The following FBXO38 variants were observed in gnomAD, a reference collection of about 807,000 sequenced individuals.
FBXO38 encodes the protein F-box protein 38, also known as F-box only protein 38.
A neutral mutation model predicts 131.9 loss-of-function variants in FBXO38; 53 were observed. That is an observed-to-expected ratio of 0.40 (90% CI 0.32 to 0.51). The LOEUF (loss-of-function observed/expected upper bound fraction) is 0.51, where lower values mean the gene tolerates loss of function less well. Ranked by LOEUF, FBXO38 falls within the 20% of genes least tolerant of loss-of-function variation. The pLI, the probability that FBXO38 is intolerant of heterozygous loss-of-function variation, is 0.53. For synonymous variants in FBXO38, 452 were observed against 505.6 expected, an observed-to-expected ratio of 0.89 and a Z score of 1.42; for missense variants, 1,076 against 1,475.6, an observed-to-expected ratio of 0.73 and a Z score of 4.44.
At chr5:148,437,105 T>G (rs561177330) in intron 17 of FBXO38, among the ~76,000 whole-genome samples, 1 of 152,344 alleles carries the variant, frequency 6.6e-6, no homozygotes. Context: ...TCTTTTTACT[T>G]TGATGATTTC....
chr5:148,407,642 C>T (rs932910460), intron 7 of FBXO38, among the ~76,000 whole-genome samples: 8 of 151,444 alleles, frequency 5.3e-5, no homozygotes, highest in African/African-American at 7.3e-5. Flanking sequence ...AGTGAAAAAC[C>T]GGCCGGGCGC....
chr5:148,418,650 C>CACT (rs1244002642), intron 12 of FBXO38, among the ~76,000 whole-genome samples: 3 of 152,108 alleles, frequency 2.0e-5, no homozygotes, highest in Non-Finnish European at 4.4e-5. Flanking sequence ...AGGTTACTAC[C>CACT]ACTATAAAGA....
Position 148,402,163 on chromosome 5 carries a change from A to G in FBXO38, c.426+18A>G. ...ACTTAGTGGTGAGTGCACCTGGTTG[A>G]ACATTTTGGCATCAACTGTTTATGA... On this transcript the variant is annotated intron_variant, in intron 4 of 21. Coordinates refer to ENST00000340253, the MANE Select transcript of FBXO38 (RefSeq NM_205836.3). 2 of 1,596,740 alleles carry G rather than the reference A, an allele frequency of 1.3e-6. No homozygotes were observed. The highest frequency in any genetic ancestry group is 1.7e-6 in the Non-Finnish European group (2 of 1,167,788).
chr5:148,418,338 A>G (rs1447506647), intron 12 of FBXO38, among the ~76,000 whole-genome samples: 1 of 152,066 alleles, frequency 6.6e-6, no homozygotes, highest in African/African-American at 2.4e-5. Flanking sequence ...ATCTTTCTCT[A>G]CACATTTTCA....
At chr5:148,426,980 G>A (rs542859086) in intron 14 of FBXO38, among the ~76,000 whole-genome samples, 2 of 152,230 alleles carry the variant, frequency 1.3e-5, no homozygotes, top group East Asian at 3.9e-4. Context: ...AGATGGTTTG[G>A]AATCAGATCA....
At chr5:148,402,172 G>T in intron 4 of FBXO38, 27 bp downstream of exon 4, 7 of 1,589,824 alleles carry the variant, frequency 4.4e-6, no homozygotes, top group South Asian at 1.1e-5. Flanking sequence ...GAACATTTTG[G>T]CATCAACTGT....
At chr5:148,403,096 AT>A (rs1208421619) in intron 5 of FBXO38, among the ~76,000 whole-genome samples, 3 of 152,140 alleles carry the variant, frequency 2.0e-5, no homozygotes, top group Non-Finnish European at 2.9e-5. Flanking sequence ...CATTTATAAG[AT>A]CAGGGAGTGA....
At chr5:148,429,693 G>A (rs1179112049) in intron 15 of FBXO38, among the ~76,000 whole-genome samples, 1 of 152,090 alleles carries the variant, frequency 6.6e-6, no homozygotes. Flanking sequence ...TGTTATGTTT[G>A]TCGTTTTACT....
intron 13 of FBXO38, 37 bp from the exon 14 acceptor site, chr5:148,425,485 G>C (rs377109381): frequency 1.3e-6 from 2 of 1,546,040 alleles, no homozygotes; most frequent in South Asian, 1.1e-5. Flanking sequence ...CCTTTCTTGC[G>C]CAAAAAGTAA....
At chr5:148,396,210 A>G (rs1461013295) in intron 2 of FBXO38, among the ~76,000 whole-genome samples, 2 of 152,174 alleles carry the variant, frequency 1.3e-5, no homozygotes, top group Admixed American at 6.5e-5. Flanking sequence ...ACAAAATGAT[A>G]TTAACGTTCA....
chr5:148,391,449 A>G lies in FBXO38; in HGVS notation c.-63-3265A>G, dbSNP rs531842373. ...GAGTCAGTAGGGGAAGCTTTTACAG[A>G]GGACTTACATTTAAGCTAGATTTTT... On this transcript the variant is annotated intron_variant, in intron 1 of 21. Transcript: ENST00000340253. Among the ~76,000 whole-genome samples, 19 of 152,344 alleles carry G rather than the reference A, an allele frequency of 1.2e-4. No individual in the cohort carries two copies. In the South Asian group the frequency reaches 3.9e-3, roughly 32 times the overall value.
At chr5:148,412,755 T>A (rs751614701) in intron 9 of FBXO38, among the ~76,000 whole-genome samples, 1 of 152,108 alleles carries the variant, frequency 6.6e-6, no homozygotes, top group African/African-American at 2.4e-5. Context: ...GCTTTTCTCT[T>A]GGGTAGCTCT....
chr5:148,419,382 T>C (rs1050690295), intron 12 of FBXO38, among the ~76,000 whole-genome samples: 20 of 152,126 alleles, frequency 1.3e-4, no homozygotes, highest in Non-Finnish European at 2.8e-4. Context: ...TTAGATTTTT[T>C]TTTCCCGCAA....
intron 5 of FBXO38, among the ~76,000 whole-genome samples, chr5:148,403,950 A>G (rs1752301760): frequency 6.6e-6 from 1 of 151,654 alleles, no homozygotes; most frequent in African/African-American, 2.4e-5. Flanking sequence ...TATTTCCTGT[A>G]TTTTTTCACC....
chr5:148,417,198 G>A lies in FBXO38; in HGVS notation c.1612G>A (p.Ala538Thr). The A allele has an allele frequency of 6.2e-7, 1 of 1,607,718 alleles. No individual in the cohort carries two copies. The highest frequency in any genetic ancestry group is 8.5e-7 in the Non-Finnish European group (1 of 1,174,326). Residue 538 changes from alanine to threonine, a missense_variant, in exon 12 of 22, where the codon GCT becomes ACT. This residue lies in a region of FBXO38 where 212 missense variants were observed against 221.2 expected (regional missense o/e 0.96). Coordinates refer to ENST00000340253, the MANE Select transcript of FBXO38 (RefSeq NM_205836.3). ...DLQPGEQQFAADALNEMEDIV... is the reference protein window; with the variant it reads ...DLQPGEQQFATDALNEMEDIV... ...GCAGCCAGGAGAGCAGCAGTTTGCA[G>A]CTGACGGTAACCCAGATCTTTTATG...
chr5:148,422,047 CTT>C (rs35962676), intron 12 of FBXO38, among the ~76,000 whole-genome samples: 46 of 145,120 alleles, frequency 3.2e-4, no homozygotes, highest in Admixed American at 3.4e-4. Flanking sequence ...AGACCTTTCT[CTT>C]TTTTTTTTTT....
intron 1 of FBXO38, among the ~76,000 whole-genome samples, chr5:148,394,053 A>G (rs1014406590): frequency 3.3e-5 from 5 of 152,206 alleles, no homozygotes; most frequent in African/African-American, 1.2e-4. Context: ...CAAAAGTGAA[A>G]TACCATGTCA....
At chr5:148,428,068 G>GTGGGTCATGTGAATTT in intron 15 of FBXO38, 121 bp downstream of exon 15, 1 of 1,117,350 alleles carries the variant, frequency 8.9e-7, no homozygotes, top group Non-Finnish European at 1.2e-6. Context: ...TTGGGGTTTT[G>GTGGGTCATGTGAATTT]TGGGTCATGT....
At position 148,414,227 on chromosome 5, in the gene FBXO38, C is replaced by A. The variant is rs1416039522; in HGVS notation, c.1185C>A (p.Val395=). The A allele has an allele frequency of 6.2e-7, 1 of 1,612,496 alleles. No homozygotes were observed. The highest frequency in any genetic ancestry group is 8.5e-7 in the Non-Finnish European group (1 of 1,179,342). ...TCACTGATATAGGGATGAAAGCAGT[C>A]AATGAAGTTTTTTCCTGTATCAAAT... ...GIITDIGMKA[V]NEVFSCIKYL... The change falls in exon 10 of 22, where the codon GTC becomes GTA. Residue 395 remains valine, a synonymous_variant. Coordinates refer to ENST00000340253, the MANE Select transcript of FBXO38 (RefSeq NM_205836.3).
Sources: gnomAD v4.1 joint callset for allele counts (sites outside exome capture counted in the v4.1 genomes callset) on GRCh38, gnomAD v4.1.1 for gene constraint, gnomAD v4.1.1 regional missense constraint, MANE v1.5 for transcripts, NCBI Gene and HGNC (gene_info 2026-07-23, HGNC 2026-07-21) for gene names.